The following DAB1 variants were observed in gnomAD, a reference collection of about 807,000 sequenced individuals.
The protein encoded by DAB1 is DAB adaptor protein 1.
In DAB1, 15 loss-of-function variants were observed where a neutral mutation model predicts 64.6. The observed-to-expected ratio is 0.23, with a 90% CI of 0.16 to 0.36. DAB1 has a LOEUF of 0.36. DAB1 is among the 10% of genes least tolerant of loss of function. The pLI is 1.00. For missense variants in DAB1, 596 were observed against 706.7 expected, an observed-to-expected ratio of 0.84 and a Z score of 1.78; for synonymous variants, 235 against 251.9, an observed-to-expected ratio of 0.93 and a Z score of 0.64.
chr1:58,533,660 T>A (rs971929660), intron 1 of DAB1, among the ~76,000 whole-genome samples: 4 of 152,144 alleles, frequency 2.6e-5, no homozygotes, highest in African/African-American at 9.7e-5. Flanking sequence ...TATAGAAAGT[T>A]TAAAATTTAA....
At chr1:57,865,865 T>C (rs1290683536) in intron 1 of DAB1, among the ~76,000 whole-genome samples, 1 of 152,184 alleles carries the variant, frequency 6.6e-6, no homozygotes, top group Non-Finnish European at 1.5e-5. Context: ...ACTGGGTGGG[T>C]TGTAAACAGC....
intron 6 of DAB1, among the ~76,000 whole-genome samples, chr1:57,814,536 A>G (rs1016754171): frequency 8.5e-5 from 13 of 152,338 alleles, no homozygotes; most frequent in Middle Eastern, 3.4e-3. Flanking sequence ...CACACAGGAC[A>G]CTGCAAAGAG....
At chr1:58,230,040 T>C (rs539396532) in intron 4 of DAB1, among the ~76,000 whole-genome samples, 2 of 152,302 alleles carry the variant, frequency 1.3e-5, no homozygotes, top group South Asian at 4.2e-4. Flanking sequence ...TCTTAACCCC[T>C]ACATCACGCC....
At chr1:57,645,906 T>G (rs770054645) in intron 7 of DAB1, among the ~76,000 whole-genome samples, 1 of 152,132 alleles carries the variant, frequency 6.6e-6, no homozygotes, top group Non-Finnish European at 1.5e-5. Context: ...ATCTAGAATC[T>G]CCTACTTTCT....
At chr1:57,585,025 C>A (rs1030676401) in intron 7 of DAB1, among the ~76,000 whole-genome samples, 1 of 152,236 alleles carries the variant, frequency 6.6e-6, no homozygotes, top group Non-Finnish European at 1.5e-5. Context: ...CCAAGGTGGG[C>A]AGATCACAAG....
At chr1:58,275,807 C>A (rs1057068703) in intron 4 of DAB1, among the ~76,000 whole-genome samples, 2 of 152,160 alleles carry the variant, frequency 1.3e-5, no homozygotes. Context: ...TTTGATCCAG[C>A]AATTTCACTT....
intron 3 of DAB1, among the ~76,000 whole-genome samples, chr1:58,355,461 C>T (rs897123966): frequency 2.6e-5 from 4 of 152,184 alleles, no homozygotes; most frequent in African/African-American, 9.7e-5. Flanking sequence ...TCACTATTTT[C>T]TCTCAAGCGC....
intron 1 of DAB1, among the ~76,000 whole-genome samples, chr1:57,313,731 TC>T (rs1674939131): frequency 6.6e-6 from 1 of 152,234 alleles, no homozygotes; most frequent in Non-Finnish European, 1.5e-5. Flanking sequence ...TTTAGCCATT[TC>T]CATAGACAAT....
At chr1:57,627,135 C>T (rs1392004306) in intron 7 of DAB1, among the ~76,000 whole-genome samples, 2 of 152,122 alleles carry the variant, frequency 1.3e-5, no homozygotes, top group African/African-American at 4.8e-5. Context: ...AAATTCACCC[C>T]TTTCTGCCCG....
intron 3 of DAB1, among the ~76,000 whole-genome samples, chr1:58,499,012 A>G (rs1401052387): frequency 1.3e-5 from 2 of 152,174 alleles, no homozygotes; most frequent in African/African-American, 4.8e-5. Flanking sequence ...GTTTTCAAAC[A>G]AACCTATAAA....
At chr1:57,890,203 G>A (rs1417680139) in intron 5 of DAB1, among the ~76,000 whole-genome samples, 1 of 152,140 alleles carries the variant, frequency 6.6e-6, no homozygotes, top group East Asian at 1.9e-4. Context: ...GTGGAAACGA[G>A]AGTTTGGACA....
chr1:57,354,058 C>A (rs922475674), intron 1 of DAB1, among the ~76,000 whole-genome samples: 1 of 152,096 alleles, frequency 6.6e-6, no homozygotes, highest in African/African-American at 2.4e-5. Context: ...TATTATGAGA[C>A]CACATGATGC....
chr1:58,436,211 T>C (rs1181900167), intron 3 of DAB1, among the ~76,000 whole-genome samples: 1 of 152,236 alleles, frequency 6.6e-6, no homozygotes, highest in African/African-American at 2.4e-5. Context: ...GCCTCCTTCA[T>C]TGAGGAAATG....
intron 4 of DAB1, among the ~76,000 whole-genome samples, chr1:57,103,252 G>T (rs775597402): frequency 2.0e-5 from 3 of 152,050 alleles, no homozygotes; most frequent in Non-Finnish European, 4.4e-5. Flanking sequence ...TCTGGTGAGG[G>T]GGCAGACAGG....
At chr1:57,277,953 G>A (rs1309697680) in intron 2 of DAB1, among the ~76,000 whole-genome samples, 5 of 152,216 alleles carry the variant, frequency 3.3e-5, no homozygotes, top group Non-Finnish European at 7.3e-5. Flanking sequence ...GCCAGGGAAA[G>A]CTGAAAGACT....
chr1:57,884,569 A>G (rs1052364678), upstream of DAB1, among the ~76,000 whole-genome samples: 5 of 152,390 alleles, frequency 3.3e-5, no homozygotes, highest in Middle Eastern at 3.4e-3. Context: ...TGGATAAAGA[A>G]AATGTATATT....
At chr1:57,886,347 C>G (rs1644222049), upstream of DAB1, among the ~76,000 whole-genome samples, 2 of 152,022 alleles carry the variant, frequency 1.3e-5, no homozygotes, top group African/African-American at 4.8e-5. Flanking sequence ...TTAGTAGAGA[C>G]TGGGTTTCGC....
At chr1:57,042,876 C>CAA (rs1244284205) in intron 9 of DAB1, among the ~76,000 whole-genome samples, 4 of 151,892 alleles carry the variant, frequency 2.6e-5, no homozygotes, top group Non-Finnish European at 4.4e-5. Context: ...CACACACACA[C>CAA]AATCACAGAG....
At chr1:57,493,305 C>A (rs1644187701) in intron 7 of DAB1, among the ~76,000 whole-genome samples, 1 of 152,130 alleles carries the variant, frequency 6.6e-6, no homozygotes, top group African/African-American at 2.4e-5. Flanking sequence ...TTCCTCCCCC[C>A]AGCCCCTGGT....
Sources: gnomAD v4.1 joint callset for allele counts (sites outside exome capture counted in the v4.1 genomes callset) on GRCh38, gnomAD v4.1.1 for gene constraint, MANE v1.5 for transcripts, NCBI Gene and HGNC (gene_info 2026-07-23, HGNC 2026-07-21) for gene names.